RSPO2: variants seen among roughly 807,000 people sequenced by gnomAD.
RSPO2 encodes the protein R-spondin-2.
In RSPO2, 14 loss-of-function variants were observed where a neutral mutation model predicts 30.9. The ratio of observed to expected loss-of-function variants is 0.45; its 90% CI spans 0.30 to 0.71. The LOEUF (loss-of-function observed/expected upper bound fraction) is 0.71, where lower values mean the gene tolerates loss of function less well. RSPO2 is among the 30% of genes least tolerant of loss of function. The pLI, the probability that RSPO2 is intolerant of heterozygous loss-of-function variation, is 0.08. For missense variants in RSPO2, 264 were observed against 301.9 expected (o/e 0.87, Z 0.93); for synonymous variants, 107 against 96.4 (o/e 1.11, Z -0.64).
intron 2 of RSPO2, among the ~76,000 whole-genome samples, chr8:108,024,637 T>C (rs1423634195): frequency 9.9e-5 from 15 of 151,994 alleles, no homozygotes; most frequent in African/African-American, 7.2e-5. Context: ...GTAGAAGGGA[T>C]GGGGTATGAA....
In RSPO2 at chr8:107,977,888, T is replaced by C. The variant is rs754510088; in HGVS notation, c.283+11168A>G. ...GATCAGTATTTTTGATCAGTATTAA[T>C]AGGATCGTCAGATGTGACAGGAGAG... is the stretch of plus-strand genomic sequence containing the variant. On this transcript the variant is annotated intron_variant, in intron 3 of 5. Coordinates refer to ENST00000276659, the MANE Select transcript of RSPO2 (RefSeq NM_178565.5). 2.6e-5 allele frequency among the ~76,000 whole-genome samples: 4 copies of C among 152,020 alleles called. No homozygotes were observed. The East Asian group carries it at 7.7e-4, about 29-fold the overall frequency.
intron 2 of RSPO2, among the ~76,000 whole-genome samples, chr8:108,004,183 A>T (rs1362774618): frequency 6.6e-6 from 1 of 152,232 alleles, no homozygotes; most frequent in Non-Finnish European, 1.5e-5. Context: ...AATGGGGGAA[A>T]CTGAGTTACA....
At position 107,986,422 on chromosome 8, in the gene RSPO2, T is replaced by C. The variant is rs116168507; in HGVS notation, c.283+2634A>G. On this transcript the variant is annotated intron_variant, in intron 3 of 5. Coordinates refer to ENST00000276659, the MANE Select transcript of RSPO2 (RefSeq NM_178565.5). ...TAGCAAACCCTTTCTCATATGCAGA[T>C]TTTCTTTCTAAGGCTGATTTACAGT... Among the ~76,000 whole-genome samples the C allele has an allele frequency of 2.7e-3, 414 of 152,262 alleles. 1 individual carries two copies. Among genetic ancestry groups the C allele is most frequent in the Middle Eastern group, 0.014 (4 of 294 alleles).
At chr8:108,039,553 T>A (rs1307664453) in intron 2 of RSPO2, among the ~76,000 whole-genome samples, 3 of 152,136 alleles carry the variant, frequency 2.0e-5, no homozygotes, top group Non-Finnish European at 4.4e-5. Flanking sequence ...TTCATAAATA[T>A]ATATATGAAT....
At chr8:108,008,734 C>T (rs1488657919) in intron 2 of RSPO2, among the ~76,000 whole-genome samples, 1 of 148,942 alleles carries the variant, frequency 6.7e-6, no homozygotes, top group South Asian at 2.1e-4. Context: ...AGTCTATGTT[C>T]ACAGGGTAAT....
chr8:107,941,441 G>A (rs1213132945), intron 5 of RSPO2, among the ~76,000 whole-genome samples: 1 of 152,042 alleles, frequency 6.6e-6, no homozygotes, highest in African/African-American at 2.4e-5. Flanking sequence ...AAATTCTAAC[G>A]TTATTTATGT....
Position 108,062,753 on chromosome 8 carries a change from C to T in RSPO2, c.94+19792G>A, listed in dbSNP as rs577952764. Among the ~76,000 whole-genome samples, 19 of 151,862 alleles carry T rather than the reference C, an allele frequency of 1.3e-4. No individual in the cohort carries two copies. The South Asian group carries it at 3.1e-3, about 25-fold the overall frequency. On this transcript the variant is annotated intron_variant, in intron 2 of 5. Transcript: ENST00000276659. ...GGAAAAAGAATTTTAGACCAATATC[C>T]CTAATGAACATTGATGCAAAAATCC...
chr8:108,013,716 A>T (rs771167085), intron 2 of RSPO2, among the ~76,000 whole-genome samples: 16 of 152,210 alleles, frequency 1.1e-4, no homozygotes, highest in Non-Finnish European at 1.8e-4. Flanking sequence ...TAGATTAAAG[A>T]CTTAAATGTA....
chr8:108,011,399 G>A (rs1810709020), intron 2 of RSPO2, among the ~76,000 whole-genome samples: 1 of 152,018 alleles, frequency 6.6e-6, no homozygotes, highest in Non-Finnish European at 1.5e-5. Context: ...ATTACTACAA[G>A]GTAGTATGAA....
intron 2 of RSPO2, among the ~76,000 whole-genome samples, chr8:108,023,486 G>A (rs1252761277): frequency 2.6e-5 from 4 of 152,152 alleles, no homozygotes; most frequent in South Asian, 4.1e-4. Flanking sequence ...AAAATGATAC[G>A]CTTTGATTTT....
At chr8:107,902,990 C>T (rs1451569637) in intron 5 of RSPO2, among the ~76,000 whole-genome samples, 4 of 152,024 alleles carry the variant, frequency 2.6e-5, no homozygotes, top group Non-Finnish European at 5.9e-5. Flanking sequence ...TTAATCAAAG[C>T]AGCTGTAAAG....
chr8:108,056,792 A>C (rs2130691925), intron 2 of RSPO2, among the ~76,000 whole-genome samples: 1 of 151,788 alleles, frequency 6.6e-6, no homozygotes, highest in East Asian at 1.9e-4. Flanking sequence ...ATGGTGGCTC[A>C]AGCCTGTAAT....
At chr8:107,910,293 T>C (rs1398368115) in intron 5 of RSPO2, among the ~76,000 whole-genome samples, 32 of 152,182 alleles carry the variant, frequency 2.1e-4, no homozygotes, top group Admixed American at 2.1e-3. Flanking sequence ...TATGGCAGCA[T>C]TTACTTAATT....
At chr8:108,018,419 G>A (rs1269263494) in intron 2 of RSPO2, among the ~76,000 whole-genome samples, 1 of 152,148 alleles carries the variant, frequency 6.6e-6, no homozygotes, top group Non-Finnish European at 1.5e-5. Flanking sequence ...GAGACCTCAA[G>A]CAGCCAACCA....
At chr8:108,034,320 C>T (rs182973285) in intron 2 of RSPO2, among the ~76,000 whole-genome samples, 3 of 152,234 alleles carry the variant, frequency 2.0e-5, no homozygotes, top group Admixed American at 6.5e-5. Context: ...AACACACACA[C>T]ACATATTTGG....
chr8:107,920,001 G>A (rs1812101895), intron 5 of RSPO2, among the ~76,000 whole-genome samples: 1 of 152,034 alleles, frequency 6.6e-6, no homozygotes, highest in Non-Finnish European at 1.5e-5. Context: ...ACAAAATAAG[G>A]TGAAATAAAG....
At chr8:107,967,118 C>T (rs140558146) in intron 3 of RSPO2, among the ~76,000 whole-genome samples, 4 of 152,252 alleles carry the variant, frequency 2.6e-5, no homozygotes, top group Non-Finnish European at 4.4e-5. Flanking sequence ...GAACATCAAG[C>T]CAACCTCTAG....
intron 2 of RSPO2, among the ~76,000 whole-genome samples, chr8:108,062,575 T>A (rs1812505881): frequency 6.6e-6 from 1 of 151,818 alleles, no homozygotes; most frequent in African/African-American, 2.4e-5. Flanking sequence ...CAGGACCAGT[T>A]GGATTCACAG....
intron 5 of RSPO2, among the ~76,000 whole-genome samples, chr8:107,910,675 T>C (rs1811793586): frequency 6.6e-6 from 1 of 152,208 alleles, no homozygotes. Context: ...CTCTGTGCCC[T>C]GCAGCACTTT....
Sources: gnomAD v4.1 joint callset for allele counts (sites outside exome capture counted in the v4.1 genomes callset) on GRCh38, gnomAD v4.1.1 for gene constraint, MANE v1.5 for transcripts, NCBI Gene and HGNC (gene_info 2026-07-23, HGNC 2026-07-21) for gene names.